The following ST6GALNAC3 variants were observed in gnomAD, a reference collection of about 807,000 sequenced individuals.
ST6GALNAC3 encodes the protein alpha-N-acetylgalactosaminide alpha-2,6-sialyltransferase 3.
Under a neutral mutation model 32.7 loss-of-function variants are expected in ST6GALNAC3, and 25 were observed. That is an observed-to-expected ratio of 0.76 (90% CI 0.56 to 1.07). The LOEUF is 1.07. Among genes scored for constraint, ST6GALNAC3 ranks in the 50% least tolerant of loss-of-function variants. The probability of loss-of-function intolerance (pLI) is 0.00; values close to 1 mark genes in which losing one functional copy is unlikely to be tolerated. For synonymous variants in ST6GALNAC3, 129 were observed against 133.1 expected (o/e 0.97, Z 0.21); for missense variants, 355 against 382.4 (o/e 0.93, Z 0.60).
chr1:76,238,089 C>T (rs979926779), intron 1 of ST6GALNAC3, among the ~76,000 whole-genome samples: 4 of 152,234 alleles, frequency 2.6e-5, no homozygotes, highest in African/African-American at 9.6e-5. Flanking sequence ...CACAGGGCCC[C>T]CAGGAGCCTG....
intron 1 of ST6GALNAC3, among the ~76,000 whole-genome samples, chr1:76,202,475 A>G (rs770110496): frequency 1.3e-5 from 2 of 152,114 alleles, no homozygotes; most frequent in African/African-American, 4.8e-5. Context: ...AAGAGTGAAG[A>G]GCACCCCACC....
At chr1:76,174,942 A>G (rs557564595) in intron 1 of ST6GALNAC3, among the ~76,000 whole-genome samples, 163 of 152,284 alleles carry the variant, frequency 1.1e-3, no homozygotes, top group African/African-American at 3.8e-3. Context: ...TGCTGGGATT[A>G]CAGGCATGAC....
At chr1:76,523,886 G>C (rs192761155) in intron 3 of ST6GALNAC3, among the ~76,000 whole-genome samples, 1 of 151,870 alleles carries the variant, frequency 6.6e-6, no homozygotes, top group Non-Finnish European at 1.5e-5. Context: ...TGTCCCCAAC[G>C]GTGCCCCCTT....
chr1:76,538,731 C>T (rs1326131758), intron 3 of ST6GALNAC3, among the ~76,000 whole-genome samples: 2 of 151,866 alleles, frequency 1.3e-5, no homozygotes, highest in African/African-American at 4.8e-5. Context: ...CAGTAGACAA[C>T]CAGAGTGCCA....
At chr1:76,535,676 CTTT>C (rs1663550094) in intron 3 of ST6GALNAC3, among the ~76,000 whole-genome samples, 1 of 152,090 alleles carries the variant, frequency 6.6e-6, no homozygotes, top group Non-Finnish European at 1.5e-5. Context: ...CTATTTTTCC[CTTT>C]GGTAAGGAAG....
intron 1 of ST6GALNAC3, among the ~76,000 whole-genome samples, chr1:76,185,409 C>T (rs1452012179): frequency 2.0e-5 from 3 of 152,078 alleles, no homozygotes; most frequent in South Asian, 2.1e-4. Context: ...GATGAGGAGA[C>T]CTTTTCTTTA....
chr1:76,458,365 C>A (rs1230431564), intron 3 of ST6GALNAC3, among the ~76,000 whole-genome samples: 2 of 83,398 alleles, frequency 2.4e-5, no homozygotes, highest in Admixed American at 2.6e-4. Flanking sequence ...TACCATTTGA[C>A]CCAGCCATCC....
chr1:76,384,365 T>G (rs11162138), intron 2 of ST6GALNAC3, among the ~76,000 whole-genome samples: 44,179 of 152,020 alleles, frequency 0.29, 7,793 homozygotes, highest in East Asian at 0.62. Context: ...AGATATGCAT[T>G]TAGTAGCACA....
At chr1:76,239,739 G>A (rs968136678) in intron 1 of ST6GALNAC3, among the ~76,000 whole-genome samples, 19 of 152,136 alleles carry the variant, frequency 1.2e-4, no homozygotes, top group Non-Finnish European at 1.9e-4. Context: ...GAGATTTGGA[G>A]GGGACAAACA....
At chr1:76,139,357 C>T (rs1650166147) in intron 1 of ST6GALNAC3, among the ~76,000 whole-genome samples, 1 of 152,106 alleles carries the variant, frequency 6.6e-6, no homozygotes, top group East Asian at 1.9e-4. Flanking sequence ...TACAAATATA[C>T]ATATAAACAT....
intron 3 of ST6GALNAC3, among the ~76,000 whole-genome samples, chr1:76,473,867 C>G (rs1432322912): frequency 6.6e-6 from 1 of 152,108 alleles, no homozygotes; most frequent in Non-Finnish European, 1.5e-5. Context: ...AAAAGTAGCA[C>G]AGTGTGACTT....
intron 3 of ST6GALNAC3, among the ~76,000 whole-genome samples, chr1:76,424,616 G>A (rs145767839): frequency 7.9e-5 from 12 of 152,054 alleles, no homozygotes; most frequent in Non-Finnish European, 1.8e-4. Context: ...CACTTCAGAT[G>A]CTGATTATAT....
chr1:76,324,210 A>G (rs775223998), intron 2 of ST6GALNAC3, among the ~76,000 whole-genome samples: 1 of 152,226 alleles, frequency 6.6e-6, no homozygotes, highest in Non-Finnish European at 1.5e-5. Context: ...AACTTTCACT[A>G]TCATTTAAAG....
intron 3 of ST6GALNAC3, among the ~76,000 whole-genome samples, chr1:76,440,791 AAAC>A (rs1306658662): frequency 2.0e-5 from 3 of 152,206 alleles, no homozygotes; most frequent in Non-Finnish European, 2.9e-5. Flanking sequence ...TGCTAAGTAG[AAAC>A]AACAACATAG....
chr1:76,113,637 C>T (rs1288828018), intron 1 of ST6GALNAC3, among the ~76,000 whole-genome samples: 2 of 151,868 alleles, frequency 1.3e-5, no homozygotes, highest in Admixed American at 1.3e-4. Context: ...AACAATGGCC[C>T]CCTTTTGGCC....
intron 3 of ST6GALNAC3, among the ~76,000 whole-genome samples, chr1:76,536,647 T>C (rs1160904103): frequency 5.3e-5 from 2 of 37,410 alleles, no homozygotes; most frequent in Non-Finnish European, 1.1e-4. Context: ...CATGGTGAAA[T>C]GGAAAGCAAA....
intron 3 of ST6GALNAC3, among the ~76,000 whole-genome samples, chr1:76,469,602 A>G (rs1332615855): frequency 2.0e-5 from 3 of 152,104 alleles, no homozygotes; most frequent in East Asian, 1.9e-4. Context: ...CTTGAGCCAG[A>G]AAGATTCACA....
chr1:76,333,806 G>A (rs1647266940), intron 2 of ST6GALNAC3, among the ~76,000 whole-genome samples: 1 of 152,144 alleles, frequency 6.6e-6, no homozygotes, highest in Non-Finnish European at 1.5e-5. Flanking sequence ...ATTGATTACA[G>A]TAGCTAGTGT....
chr1:76,277,582 GTT>G (rs1341098937), intron 1 of ST6GALNAC3, among the ~76,000 whole-genome samples: 1 of 31,022 alleles, frequency 3.2e-5, no homozygotes, highest in African/African-American at 1.7e-4. Context: ...ACACACATAT[GTT>G]TATGTGTATA....
Sources: allele counts gnomAD v4.1 joint callset (sites outside exome capture counted in the v4.1 genomes callset), GRCh38; gene constraint gnomAD v4.1.1; transcripts MANE v1.5; gene names NCBI Gene and HGNC (gene_info 2026-07-23, HGNC 2026-07-21).